Variants in RNF182 observed in about 807,000 individuals in gnomAD.
The protein encoded by RNF182 is ring finger protein 182.
A neutral mutation model predicts 14.4 loss-of-function variants in RNF182; 15 were observed. The observed-to-expected ratio is 1.04, with a 90% CI of 0.70 to 1.60. The LOEUF (loss-of-function observed/expected upper bound fraction) is 1.60. Among genes scored for constraint, RNF182 ranks in the 40% most tolerant of loss-of-function variants. The pLI is 0.00. For missense variants in RNF182, 268 were observed against 294.8 expected, an observed-to-expected ratio of 0.91 and a Z score of 0.67; for synonymous variants, 128 against 122.9, an observed-to-expected ratio of 1.04 and a Z score of -0.27.
chr6:13,970,526 G>T (rs1301962051), intron 1 of RNF182, among the ~76,000 whole-genome samples: 6 of 152,006 alleles, frequency 3.9e-5, no homozygotes, highest in African/African-American at 1.4e-4. Flanking sequence ...CTTTGCTATT[G>T]TGGATAGTCC....
chr6:13,961,613 TA>T (rs1329304511), intron 1 of RNF182: 37 of 152,330 alleles, frequency 2.4e-4, no homozygotes, highest in African/African-American at 7.9e-4. Flanking sequence ...TTTATTGGTT[TA>T]AAACTGCTGG....
intron 1 of RNF182, chr6:13,949,059 C>G (rs1398778579): frequency 7.7e-6 from 5 of 648,462 alleles, no homozygotes; most frequent in Non-Finnish European, 1.4e-5. Flanking sequence ...TTTCACAAAC[C>G]TTTTATAACC....
chr6:13,934,686 C>T (rs2113585100), intron 1 of RNF182, among the ~76,000 whole-genome samples: 1 of 152,318 alleles, frequency 6.6e-6, no homozygotes, highest in Non-Finnish European at 1.5e-5. Context: ...CTGGCAGCTC[C>T]ATTCCTTTTT....
At chr6:13,946,519 A>G (rs1759445782) in intron 1 of RNF182, among the ~76,000 whole-genome samples, 1 of 152,198 alleles carries the variant, frequency 6.6e-6, no homozygotes, top group African/African-American at 2.4e-5. Context: ...TCAGGACATC[A>G]GGACATTTCC....
At chr6:13,927,999 C>T (rs1370713917) in intron 1 of RNF182, among the ~76,000 whole-genome samples, 1 of 152,108 alleles carries the variant, frequency 6.6e-6, no homozygotes, top group East Asian at 1.9e-4. Flanking sequence ...AACTACTGTG[C>T]TGAGAAAAGG....
At chr6:13,953,888 A>G (rs1759662219) in intron 1 of RNF182, among the ~76,000 whole-genome samples, 1 of 152,306 alleles carries the variant, frequency 6.6e-6, no homozygotes, top group African/African-American at 2.4e-5. Flanking sequence ...TGTACTAAAC[A>G]TTCAGTAGGC....
chr6:13,945,128 T>C (rs1759406922), intron 1 of RNF182, among the ~76,000 whole-genome samples: 1 of 152,200 alleles, frequency 6.6e-6, no homozygotes, highest in African/African-American at 2.4e-5. Context: ...TATAGAGCCC[T>C]GTTATGTTGG....
rs1258199020 is a variant in RNF182, at chr6:13,978,389, A to G, written c.*526A>G. On this transcript the variant is annotated 3_prime_UTR_variant, in exon 3 of 3. Transcript: ENST00000488300. ...ATTGAGATACTTGTTTCCTCTGCCC[A>G]TTCTCCCTTGCCAAGAGGAAACTCG... 6.1e-6 allele frequency: 1 copy of G among 163,896 alleles called. No individual in the cohort carries two copies. The highest frequency in any genetic ancestry group is 2.4e-5 in the African/African-American group (1 of 41,284). The allele number at this position is 163,896 out of a possible 1,614,324, so 10.2% of individuals were successfully genotyped here.
chr6:13,929,931 G>C (rs992902867), intron 1 of RNF182, among the ~76,000 whole-genome samples: 2 of 152,100 alleles, frequency 1.3e-5, no homozygotes, highest in Non-Finnish European at 2.9e-5. Context: ...AGCATATTGT[G>C]ACATGTACCA....
At chr6:13,933,216 CT>C (rs1759019279) in intron 1 of RNF182, among the ~76,000 whole-genome samples, 1 of 152,050 alleles carries the variant, frequency 6.6e-6, no homozygotes, top group Admixed American at 6.6e-5. Context: ...CCAATATGTA[CT>C]TTTAAGTTAT....
rs774203686 is a variant in RNF182 at position 13,977,149 on chromosome 6, G to A, written c.30G>A (p.Ala10=). The A allele has an allele frequency of 2.7e-5, 44 of 1,613,878 alleles. No homozygotes were observed. In the African/African-American group the frequency reaches 3.6e-4, roughly 13 times the overall value. The change falls in exon 3 of 3, where the codon GCG becomes GCA. Residue 10 remains alanine (A), a synonymous_variant. Coordinates refer to ENST00000488300, the MANE Select transcript of RNF182 (RefSeq NM_152737.4). Reference sequence around the variant, plus strand: ...CCAGTCAACCTCCTGAAGACACTGCGGAGTCTCAGGCCTCTGATGAGCTGG... The same window carrying A: ...CCAGTCAACCTCCTGAAGACACTGCAGAGTCTCAGGCCTCTGATGAGCTGG... The part of the protein sequence containing the change: MASQPPEDT[A]ESQASDELEC...
At chr6:13,956,034 C>T (rs933240219) in intron 1 of RNF182, among the ~76,000 whole-genome samples, 13 of 152,262 alleles carry the variant, frequency 8.5e-5, no homozygotes, top group African/African-American at 1.4e-4. Context: ...TGAGTGAGAA[C>T]GTTCAGTACT....
chr6:13,970,104 G>T (rs1291328938), intron 1 of RNF182, among the ~76,000 whole-genome samples: 1 of 152,138 alleles, frequency 6.6e-6, no homozygotes, highest in African/African-American at 2.4e-5. Context: ...TCAAGTCAGG[G>T]TAATTAGGGT....
chr6:13,947,639 C>T (rs948576697), intron 1 of RNF182, among the ~76,000 whole-genome samples: 1 of 152,110 alleles, frequency 6.6e-6, no homozygotes, highest in Non-Finnish European at 1.5e-5. Flanking sequence ...CTGGATGTCC[C>T]AAGATATTTG....
chr6:13,926,346 T>A (rs1241977646), intron 1 of RNF182, among the ~76,000 whole-genome samples: 1 of 152,216 alleles, frequency 6.6e-6, no homozygotes, highest in Non-Finnish European at 1.5e-5. Context: ...CAAAGAGTGA[T>A]TATTTAATAT....
chr6:13,952,455 G>A (rs973709550), intron 1 of RNF182, among the ~76,000 whole-genome samples: 3 of 151,980 alleles, frequency 2.0e-5, no homozygotes, highest in African/African-American at 7.3e-5. Context: ...CTTACTGAGA[G>A]GACCCTCTAA....
chr6:13,945,199 A>G (rs1759408603), intron 1 of RNF182, among the ~76,000 whole-genome samples: 1 of 152,162 alleles, frequency 6.6e-6, no homozygotes, highest in South Asian at 2.1e-4. Flanking sequence ...AAAAGCCATG[A>G]CCCAGAAAGT....
chr6:13,969,324 G>T (rs1445788421), intron 1 of RNF182, among the ~76,000 whole-genome samples: 1 of 152,126 alleles, frequency 6.6e-6, no homozygotes, highest in African/African-American at 2.4e-5. Context: ...GCTTTGAGAA[G>T]TCCGGTTTGG....
intron 1 of RNF182, among the ~76,000 whole-genome samples, chr6:13,948,605 T>G (rs537792873): frequency 6.6e-6 from 1 of 152,284 alleles, no homozygotes; most frequent in South Asian, 2.1e-4. Flanking sequence ...ACCTAATATC[T>G]AAAAGGATTA....
Sources: gnomAD v4.1 joint callset for allele counts (sites outside exome capture counted in the v4.1 genomes callset) on GRCh38, gnomAD v4.1.1 for gene constraint, MANE v1.5 for transcripts, NCBI Gene and HGNC (gene_info 2026-07-23, HGNC 2026-07-21) for gene names.